The following ZC3H8 variants were observed in gnomAD, a reference collection of about 807,000 sequenced individuals.
ZC3H8 encodes the protein zinc finger CCCH domain-containing protein 8.
In ZC3H8, 27 loss-of-function variants were observed where a neutral mutation model predicts 42.5. The observed-to-expected ratio is 0.64, with a 90% CI of 0.47 to 0.88. The LOEUF is 0.88. Ranked by LOEUF, ZC3H8 falls within the 40% of genes least tolerant of loss-of-function variation. The probability of loss-of-function intolerance (pLI) is 0.00; values close to 1 mark genes in which losing one functional copy is unlikely to be tolerated. For missense variants in ZC3H8, 277 were observed against 336.1 expected (o/e 0.82, Z 1.37); for synonymous variants, 101 against 110.1 (o/e 0.92, Z 0.52).
At chr2:112,249,487 A>G (rs942052120) in intron 2 of ZC3H8, among the ~76,000 whole-genome samples, 3 of 152,108 alleles carry the variant, frequency 2.0e-5, no homozygotes, top group African/African-American at 7.2e-5. Context: ...TTTGTTGCCC[A>G]GGCTGGAGTG....
intron 3 of ZC3H8, among the ~76,000 whole-genome samples, chr2:112,236,928 C>T (rs1472971524): frequency 1.3e-5 from 2 of 152,032 alleles, no homozygotes; most frequent in Non-Finnish European, 2.9e-5. Flanking sequence ...TGGTGGTGCA[C>T]GCCTGTAGTC....
At chr2:112,252,928 G>A (rs1000614092) in intron 1 of ZC3H8, among the ~76,000 whole-genome samples, 14 of 152,194 alleles carry the variant, frequency 9.2e-5, no homozygotes, top group African/African-American at 1.2e-4. Context: ...CAGATCACAA[G>A]GTCAGGAGAT....
Position 112,234,234 on chromosome 2 carries a change from A to G in ZC3H8, c.507T>C (p.Asp169=), listed in dbSNP as rs17853007. Residue 169 remains aspartate (D), a splice_region_variant and synonymous_variant, in exon 5 of 9, where the codon GAT becomes GAC. Coordinates refer to ENST00000409573, the MANE Select transcript of ZC3H8 (RefSeq NM_032494.3). ...LLRNSGSQEE[D]GKPKEKQQHL... ...GCTGCTGCTTCTCTTTAGGTTTACC[A>G]TCCTTTAAAAACAAAAACAAAAAAA... The G allele has an allele frequency of 1.9e-6, 3 of 1,588,984 alleles. No individual in the cohort carries two copies. The highest frequency in any genetic ancestry group is 2.6e-6 in the Non-Finnish European group (3 of 1,170,100).
chr2:112,247,759 T>C (rs778108140), intron 2 of ZC3H8, among the ~76,000 whole-genome samples: 1 of 152,240 alleles, frequency 6.6e-6, no homozygotes, highest in Non-Finnish European at 1.5e-5. Flanking sequence ...AGAATGTTGT[T>C]TCTGCCTGTC....
intron 3 of ZC3H8, among the ~76,000 whole-genome samples, chr2:112,237,580 T>TTAA (rs1685394064): frequency 2.4e-5 from 1 of 41,148 alleles, no homozygotes; most frequent in Non-Finnish European, 7.3e-5. Flanking sequence ...AAAATTTTAA[T>TTAA]TTTTTTTTTT....
intron 6 of ZC3H8, among the ~76,000 whole-genome samples, chr2:112,232,747 T>A (rs936455732): frequency 2.0e-5 from 3 of 152,216 alleles, no homozygotes; most frequent in East Asian, 1.9e-4. Context: ...AAGAAAAAAA[T>A]TTTTTTGTGA....
At chr2:112,227,215 G>C (rs1684878184) in intron 8 of ZC3H8, among the ~76,000 whole-genome samples, 1 of 152,206 alleles carries the variant, frequency 6.6e-6, no homozygotes, top group East Asian at 1.9e-4. Flanking sequence ...GAAATAAAAA[G>C]CATTAGAAAG....
chr2:112,235,686 C>T (rs1685287842), intron 4 of ZC3H8, among the ~76,000 whole-genome samples: 1 of 152,090 alleles, frequency 6.6e-6, no homozygotes, highest in Non-Finnish European at 1.5e-5. Flanking sequence ...TATTATTCTA[C>T]CCTGCTTACA....
intron 8 of ZC3H8, among the ~76,000 whole-genome samples, chr2:112,226,744 GA>G (rs1684860901): frequency 6.6e-6 from 1 of 151,872 alleles, no homozygotes; most frequent in Non-Finnish European, 1.5e-5. Context: ...ACGAAAGCCA[GA>G]AAAAGACATC....
intron 8 of ZC3H8, among the ~76,000 whole-genome samples, chr2:112,220,447 T>C (rs1358722839): frequency 6.6e-6 from 1 of 152,176 alleles, no homozygotes; most frequent in African/African-American, 2.4e-5. Flanking sequence ...GGTTGAAAAT[T>C]CTTTAAGAAT....
chr2:112,238,286 T>C, intron 3 of ZC3H8, 29 bp downstream of exon 3: 1 of 1,603,028 alleles, frequency 6.2e-7, no homozygotes. Context: ...CTAGATAAAC[T>C]TTAAATGATA....
intron 8 of ZC3H8, among the ~76,000 whole-genome samples, chr2:112,225,837 T>C (rs553220956): frequency 6.6e-6 from 1 of 151,736 alleles, no homozygotes; most frequent in South Asian, 2.1e-4. Context: ...ATCCCAGCAC[T>C]TCGGGAGGCC....
chr2:112,254,056 G>A (rs1686044480), intron 1 of ZC3H8: 1 of 938,616 alleles, frequency 1.1e-6, no homozygotes, highest in Admixed American at 6.2e-5. Context: ...TTCTCTTTAA[G>A]TTTGTTTTGA....
chr2:112,245,391 C>T (rs900502724), intron 2 of ZC3H8, among the ~76,000 whole-genome samples: 1 of 152,184 alleles, frequency 6.6e-6, no homozygotes, highest in Non-Finnish European at 1.5e-5. Flanking sequence ...CGGTGGCTCA[C>T]GCTTATAATC....
rs1344387554 is a variant in ZC3H8, at chr2:112,213,822, C to T, written c.*2662G>A. On this transcript the variant is annotated 3_prime_UTR_variant, in exon 9 of 9. Transcript: ENST00000409573. ...AAAAAAAAAAAAAAATTTAGTTCTA[C>T]TATTATGTGGCTTTTAGTAACTGAC... 3.7e-5 allele frequency: 5 copies of T among 134,240 alleles called. No individual in the cohort carries two copies. The highest frequency in any genetic ancestry group is 6.2e-5 in the Non-Finnish European group (4 of 64,216). 8.3% of individuals were successfully genotyped at this position (134,240 alleles called of 1,614,324 possible).
chr2:112,238,747 T>C (rs1181109388), intron 2 of ZC3H8, among the ~76,000 whole-genome samples: 1 of 152,106 alleles, frequency 6.6e-6, no homozygotes, highest in Non-Finnish European at 1.5e-5. Context: ...AACAAACCAC[T>C]ATGACATATC....
intron 2 of ZC3H8, 199 bp downstream of exon 2, chr2:112,249,992 T>C (rs920007285): frequency 5.1e-6 from 2 of 390,300 alleles, no homozygotes; most frequent in African/African-American, 2.1e-5. Context: ...TATTAAATAA[T>C]AATTTATTTA....
intron 1 of ZC3H8, 84 bp downstream of exon 1, chr2:112,254,824 C>G: frequency 1.4e-6 from 2 of 1,478,928 alleles, no homozygotes; most frequent in Non-Finnish European, 1.8e-6. Context: ...GACGTGGCCC[C>G]GGACTGCCTC....
intron 1 of ZC3H8, among the ~76,000 whole-genome samples, chr2:112,250,928 T>C (rs577579392): frequency 1.9e-4 from 29 of 152,314 alleles, no homozygotes; most frequent in African/African-American, 6.7e-4. Flanking sequence ...GACTGAGAAG[T>C]TGACCATGCA....
Sources: gnomAD v4.1 joint callset for allele counts (sites outside exome capture counted in the v4.1 genomes callset) on GRCh38, gnomAD v4.1.1 for gene constraint, MANE v1.5 for transcripts, NCBI Gene and HGNC (gene_info 2026-07-23, HGNC 2026-07-21) for gene names.